The following IL17RC variants were observed in gnomAD, a reference collection of about 807,000 sequenced individuals.
IL17RC encodes the protein interleukin-17 receptor C.
IL17RC carries 53 observed loss-of-function variants against 86.7 expected under a neutral mutation model. The observed-to-expected ratio is 0.61, with a 90% confidence interval of 0.49 to 0.77. The LOEUF is 0.77. Among genes scored for constraint, IL17RC ranks in the 30% least tolerant of loss-of-function variants. The pLI is 0.00. For synonymous variants in IL17RC, 439 were observed against 413.1 expected, an observed-to-expected ratio of 1.06 and a Z score of -0.76; for missense variants, 957 against 940.0, an observed-to-expected ratio of 1.02 and a Z score of -0.24.
At position 9,932,682 on chromosome 3, in the gene IL17RC, C is replaced by T. The variant is rs1489662885; in HGVS notation, c.1462C>T (p.Leu488Phe). The T allele has an allele frequency of 3.1e-6, 5 of 1,613,890 alleles. No homozygotes were observed. Among genetic ancestry groups the T allele is most frequent in the Non-Finnish European group, 3.4e-6 (4 of 1,180,028 alleles). The change falls in exon 17 of 19, where the codon CTC becomes TTC. Residue 488 changes from leucine (L) to phenylalanine (F), a missense_variant. Physicochemically the swap from Leu to Phe is conservative, Grantham distance 22 (BLOSUM62 0). Transcript: ENST00000403601. ...CGCTGCGCTTTCCCTCATCCTCCTT[C>T]TCAAAAAGGATCACGCGAAAGGTGA... ...FAAALSLILL[L>F]KKDHAKGWLR... is the part of the protein sequence containing the mutation.
intron 6 of IL17RC, 51 bp downstream of exon 6, chr3:9,920,653 T>C (rs374481661): frequency 1.2e-4 from 139 of 1,195,780 alleles, no homozygotes; most frequent in Admixed American, 3.9e-5. Context: ...CCTCTGGCCA[T>C]TCCCCCTCCT....
Position 9,917,426 on chromosome 3 carries a change from T to A in IL17RC, c.105+6T>A. On this transcript the variant is annotated splice_donor_region_variant and intron_variant, in intron 1 of 18. Transcript: ENST00000403601. ...ACGCTACCCACTGCTCTCCGGTGAG[T>A]CTGGAACCCTGGGGAGACGAGGAAA... 3 of 1,614,032 alleles carry A rather than the reference T, an allele frequency of 1.9e-6. No individual in the cohort carries two copies. Among genetic ancestry groups the A allele is most frequent in the Non-Finnish European group, 1.7e-6 (2 of 1,179,968 alleles).
rs1400440483 is a variant in IL17RC, at chr3:9,920,391, G to A, written c.466-100G>A. 1.3e-5 allele frequency: 9 copies of A among 700,134 alleles called. No homozygotes were observed. In the Admixed American group the frequency reaches 1.9e-4, roughly 15 times the overall value. The allele number at this position is 700,134 out of a possible 1,614,324, so 43.4% of individuals were successfully genotyped here. ...ATAAATACAGTCATTAGTTGGGGGAGGAGGGCAGTGAGCAGAGTGGTCCCT... is the reference window on the plus strand; with the variant it reads ...ATAAATACAGTCATTAGTTGGGGGAAGAGGGCAGTGAGCAGAGTGGTCCCT... On this transcript the variant is annotated intron_variant, in intron 5 of 18. Coordinates refer to ENST00000403601, the MANE Select transcript of IL17RC (RefSeq NM_153460.4).
chr3:9,920,762 T>C (rs2083472166), intron 6 of IL17RC, among the ~76,000 whole-genome samples, 160 bp downstream of exon 6: 1 of 152,216 alleles, frequency 6.6e-6, no homozygotes, highest in Non-Finnish European at 1.5e-5. Flanking sequence ...CTGGGTGATA[T>C]GGCTTTCCAG....
At chr3:9,920,893 C>T in intron 6 of IL17RC, 32 bp from the exon 7 acceptor site, 1 of 1,599,450 alleles carries the variant, frequency 6.3e-7, no homozygotes, top group Non-Finnish European at 8.5e-7. Context: ...GCCCCCAGCC[C>T]CACTGGAGGC....
At chr3:9,929,763 C>T in intron 12 of IL17RC, 89 bp from the exon 13 acceptor site, 6 of 1,418,596 alleles carry the variant, frequency 4.2e-6, no homozygotes, top group Non-Finnish European at 5.0e-6. Flanking sequence ...CCCAACCCAA[C>T]AGGCCTTCTG....
In IL17RC at chr3:9,917,419, C is replaced by T. The variant is rs746906866; in HGVS notation, c.104C>T (p.Pro35Leu). Residue 35 changes from proline (P) to leucine (L), a missense_variant and splice_region_variant, in exon 1 of 19, where the codon CCG becomes CTG. Physicochemically the swap from Pro to Leu is moderately conservative, Grantham distance 98. Coordinates refer to ENST00000403601, the MANE Select transcript of IL17RC (RefSeq NM_153460.4). ...CCTCAGGACGCTACCCACTGCTCTC[C>T]GGTGAGTCTGGAACCCTGGGGAGAC... is the stretch of plus-strand genomic sequence containing the variant. ...VGPQDATHCS[P>L]GLSCRLWDSD... The T allele has an allele frequency of 1.5e-5, 24 of 1,614,036 alleles. No individual in the cohort carries two copies. The highest frequency in any genetic ancestry group is 2.2e-5 in the East Asian group (1 of 44,890).
intron 1 of IL17RC, 59 bp from the exon 2 acceptor site, chr3:9,917,654 G>T (rs1435111116): frequency 8.1e-6 from 13 of 1,613,662 alleles, no homozygotes; most frequent in African/African-American, 1.3e-5. Flanking sequence ...GTCTTAGGCA[G>T]AGAACAGTGC....
At chr3:9,926,288 G>A (rs570930104) in intron 9 of IL17RC, among the ~76,000 whole-genome samples, 7 of 151,782 alleles carry the variant, frequency 4.6e-5, no homozygotes, top group East Asian at 1.9e-4. Context: ...CGCCTCGGCC[G>A]CCCAAAGTGC....
At chr3:9,923,151 T>C (rs966301917) in intron 7 of IL17RC, among the ~76,000 whole-genome samples, 46 of 131,094 alleles carry the variant, frequency 3.5e-4, no homozygotes, top group Non-Finnish European at 5.6e-4. Context: ...CACTCCAGCC[T>C]GGGCGACAGA....
Position 9,930,890 on chromosome 3 carries a change from T to C in IL17RC, c.1339-5T>C. 9 of 1,614,010 alleles carry C rather than the reference T, an allele frequency of 5.6e-6. No individual in the cohort carries two copies. Among genetic ancestry groups the C allele is most frequent in the Non-Finnish European group, 7.6e-6 (9 of 1,179,850 alleles). ...CCTGGATTTGGTTCTGTTTGTATCT[T>C]ACAGCTATGGGACGATGACTTGGGA... On this transcript the variant is annotated splice_polypyrimidine_tract_variant and splice_region_variant and intron_variant, in intron 15 of 18. Coordinates refer to ENST00000403601, the MANE Select transcript of IL17RC (RefSeq NM_153460.4). This position sits in a 1 kb window ranked among gnomAD's most constrained non-coding sequence, Gnocchi z 5.8.
chr3:9,921,886 A>G (rs1306998067), intron 7 of IL17RC, among the ~76,000 whole-genome samples: 1 of 150,468 alleles, frequency 6.6e-6, no homozygotes, highest in Non-Finnish European at 1.5e-5. Flanking sequence ...CAGCCTCCCA[A>G]AGTGCTGGGA....
At chr3:9,925,200 G>T (rs1341349047) in intron 9 of IL17RC, among the ~76,000 whole-genome samples, 1 of 123,614 alleles carries the variant, frequency 8.1e-6, no homozygotes, top group Non-Finnish European at 1.7e-5. Flanking sequence ...ACTGCAAGCT[G>T]CTTCTCCTGG....
In IL17RC at chr3:9,930,257, T is replaced by TGA; in HGVS notation, c.1278+109_1278+110dup. 6.5e-7 allele frequency: 1 copy of TGA among 1,547,156 alleles called. No individual in the cohort carries two copies. Among genetic ancestry groups the TGA allele is most frequent in the Non-Finnish European group, 8.9e-7 (1 of 1,128,680 alleles). Reference sequence around the variant, plus strand: ...TGCCGGTCTCTGGGAACATGGGGGGTGACTCAGACCAGGGCCATATTCAGC... The same window carrying TGA: ...TGCCGGTCTCTGGGAACATGGGGGGTGAGACTCAGACCAGGGCCATATTCAGC... On this transcript the variant is annotated intron_variant, in intron 14 of 18. Transcript: ENST00000403601. This position sits in a 1 kb window ranked among gnomAD's most constrained non-coding sequence, Gnocchi z 5.8.
chr3:9,933,276 G>C lies in IL17RC; in HGVS notation c.1846G>C (p.Val616Leu). ...CGCCTTCCGCGCCTCGCTCAGCTGCGTGCTGCCCGACTTCTTGCAGGGCCG... is the reference window on the plus strand; with the variant it reads ...CGCCTTCCGCGCCTCGCTCAGCTGCCTGCTGCCCGACTTCTTGCAGGGCCG... ...HDAFRASLSC[V>L]LPDFLQGRAP... The change falls in exon 19 of 19, where the codon GTG (valine) becomes CTG (leucine). Residue 616 changes from valine to leucine, a missense_variant. Physicochemically the swap from Val to Leu is conservative, Grantham distance 32. Transcript: ENST00000403601. The C allele has an allele frequency of 6.2e-7, 1 of 1,604,524 alleles. No homozygotes were observed. The highest frequency in any genetic ancestry group is 8.5e-7 in the Non-Finnish European group (1 of 1,175,890).
At position 9,933,077 on chromosome 3, in the gene IL17RC, G is replaced by A. The variant is rs1204853865; in HGVS notation, c.1647G>A (p.Trp549Ter). ...CGCTGCGCGTGGCCGTAGACCTGTG[G>A]AGCCGTCGTGAACTGAGCGCGCAGG... is the stretch of plus-strand genomic sequence containing the variant. ...QLPLRVAVDL[W>*]SRRELSAQGP... The change falls in exon 19 of 19, where the codon TGG becomes TGA. Residue 549 changes from tryptophan to a stop codon, truncating the protein, a stop_gained. Coordinates refer to ENST00000403601, the MANE Select transcript of IL17RC (RefSeq NM_153460.4). LOFTEE classifies it low-confidence loss of function (END_TRUNC). 6.4e-7 allele frequency: 1 copy of A among 1,557,802 alleles called. No individual in the cohort carries two copies. The highest frequency in any genetic ancestry group is 8.6e-7 in the Non-Finnish European group (1 of 1,159,974).
chr3:9,920,291 T>G (rs2083433980), intron 5 of IL17RC, 200 bp from the exon 6 acceptor site: 2 of 559,434 alleles, frequency 3.6e-6, no homozygotes, highest in Non-Finnish European at 3.2e-6. Context: ...CTGGTGACAC[T>G]CTTACTGAGG....
rs1559327071 is a variant in IL17RC at position 9,933,100 on chromosome 3, A to AG, written c.1674dup (p.Pro559AlafsTer136). 1 of 1,573,940 alleles carries AG rather than the reference A, an allele frequency of 6.4e-7. No homozygotes were observed. The highest frequency in any genetic ancestry group is 8.6e-7 in the Non-Finnish European group (1 of 1,166,104). ...TGGAGCCGTCGTGAACTGAGCGCGC[A>AG]GGGGCCCGTGGCTTGGTTTCACGCG... is the stretch of plus-strand genomic sequence containing the variant. On this transcript the variant is annotated frameshift_variant, in exon 19 of 19. Transcript: ENST00000403601. LOFTEE classifies it low-confidence loss of function (END_TRUNC).
At chr3:9,918,645 AAATCTATAAAACTTT>A (rs2083304098) in intron 5 of IL17RC, 36 bp downstream of exon 5, 1 of 1,430,750 alleles carries the variant, frequency 7.0e-7, no homozygotes, top group East Asian at 2.3e-5. Flanking sequence ...TCTAAACCTA[AAATCTATAAAACTTT>A]TTCACATGCA....
Sources: gnomAD v4.1 joint callset for allele counts (sites outside exome capture counted in the v4.1 genomes callset) on GRCh38, gnomAD v4.1.1 for gene constraint, Gnocchi (gnomAD v3.1) non-coding constraint, MANE v1.5 for transcripts, NCBI Gene and HGNC (gene_info 2026-07-23, HGNC 2026-07-21) for gene names.